Variants in EYA1 observed in about 807,000 individuals in gnomAD.
EYA1 encodes EYA transcriptional coactivator and phosphatase 1.
EYA1 carries 16 observed loss-of-function variants against 82.0 expected under a neutral mutation model. The ratio of observed to expected loss-of-function variants is 0.20; its 90% CI spans 0.13 to 0.30. The LOEUF (loss-of-function observed/expected upper bound fraction) is 0.30. EYA1 is among the 10% of genes least tolerant of loss of function. The probability of loss-of-function intolerance (pLI) is 1.00; values close to 1 mark genes in which losing one functional copy is unlikely to be tolerated. For missense variants in EYA1, 633 were observed against 730.7 expected (o/e 0.87, Z 1.54); for synonymous variants, 261 against 264.4 (o/e 0.99, Z 0.12).
chr8:71,306,859 C>A (rs1820791168), intron 7 of EYA1, among the ~76,000 whole-genome samples: 1 of 152,192 alleles, frequency 6.6e-6, no homozygotes, highest in African/African-American at 2.4e-5. Context: ...GTCTTGTTTT[C>A]ATTCTGACCT....
rs546925332 is a variant in EYA1 at position 71,398,962 on chromosome 8, C to T, written c.34-42451G>A. On this transcript the variant is annotated intron_variant, in intron 2 of 18. Coordinates refer to the EYA1 transcript ENST00000643681. ...CTCCACCCAGTTCGAGCTTCCTGGC[C>T]GCTTTGTTTACCTACTCAAGCCACA... 2.2e-4 allele frequency among the ~76,000 whole-genome samples: 33 copies of T among 152,314 alleles called. No homozygotes were observed. The South Asian group carries it at 2.5e-3, about 11-fold the overall frequency.
At chr8:71,387,059 C>T (rs541226218) in intron 2 of EYA1, among the ~76,000 whole-genome samples, 1 of 152,256 alleles carries the variant, frequency 6.6e-6, no homozygotes, top group South Asian at 2.1e-4. Flanking sequence ...TGAGACATGT[C>T]CCCTACCCCT....
At chr8:71,476,703 T>G (rs1235474464) in intron 2 of EYA1, among the ~76,000 whole-genome samples, 3 of 152,112 alleles carry the variant, frequency 2.0e-5, no homozygotes, top group African/African-American at 7.2e-5. Flanking sequence ...AACATTTTTT[T>G]CTATAGAAAT....
chr8:71,487,183 T>C (rs1204813569), intron 2 of EYA1, among the ~76,000 whole-genome samples: 1 of 152,018 alleles, frequency 6.6e-6, no homozygotes, highest in Non-Finnish European at 1.5e-5. Context: ...AAGTGGGTAC[T>C]AACCCAGAAA....
Position 71,395,053 on chromosome 8 carries a change from T to A in EYA1, c.34-38542A>T, listed in dbSNP as rs560477086. Among the ~76,000 whole-genome samples the A allele has an allele frequency of 3.3e-3, 497 of 152,236 alleles. 9 individuals are homozygous for A. Among genetic ancestry groups the A allele is most frequent in the African/African-American group, 0.011 (475 of 41,556 alleles). ...CTAGGTATTTTATTCTCTTTGAAGC[T>A]ATTGTGAAATGGAGTTCACCCATGA... On this transcript the variant is annotated intron_variant, in intron 2 of 18. Coordinates refer to the EYA1 transcript ENST00000643681.
At chr8:71,526,043 T>G (rs569419386) in intron 2 of EYA1, among the ~76,000 whole-genome samples, 1 of 152,244 alleles carries the variant, frequency 6.6e-6, no homozygotes, top group South Asian at 2.1e-4. Flanking sequence ...CAATATAAGC[T>G]AGAATAAAAT....
rs1808917913 is a variant in EYA1, at chr8:71,468,229, G to C, written c.33+67515C>G. 7.9e-5 allele frequency among the ~76,000 whole-genome samples: 12 copies of C among 152,244 alleles called. No individual in the cohort carries two copies. The South Asian group carries it at 2.5e-3, about 32-fold the overall frequency. The stretch of plus-strand genomic sequence containing the variant: ...GCCCAAGTTCATCCCATTAGGCAAA[G>C]AATAACCCCATCAATAGCAGAGATG... On this transcript the variant is annotated intron_variant, in intron 2 of 18. Coordinates refer to the EYA1 transcript ENST00000643681.
chr8:71,268,971 T>A (rs1816193748), intron 11 of EYA1, among the ~76,000 whole-genome samples: 1 of 152,214 alleles, frequency 6.6e-6, no homozygotes, highest in Admixed American at 6.5e-5. Context: ...GACTTATTAT[T>A]TCTTTACAGA....
chr8:71,472,707 G>A (rs1185926122), intron 2 of EYA1, among the ~76,000 whole-genome samples: 1 of 149,750 alleles, frequency 6.7e-6, no homozygotes, highest in Non-Finnish European at 1.5e-5. Flanking sequence ...TACAACTCAG[G>A]CTGCCTGACC....
At chr8:71,522,619 C>CTT (rs35579621) in intron 2 of EYA1, among the ~76,000 whole-genome samples, 2,102 of 135,520 alleles carry the variant, frequency 0.016, 41 homozygotes, top group South Asian at 0.047. Flanking sequence ...TCAATACAAA[C>CTT]TTTTTTTTTT....
intron 1 of EYA1, among the ~76,000 whole-genome samples, chr8:71,359,672 G>A (rs759248054): frequency 6.6e-6 from 1 of 152,052 alleles, no homozygotes; most frequent in Non-Finnish European, 1.5e-5. Context: ...TCTAAATTAC[G>A]GGTTTTCCAT....
chr8:71,326,404 A>G (rs192706824), intron 4 of EYA1, among the ~76,000 whole-genome samples: 1 of 151,610 alleles, frequency 6.6e-6, no homozygotes. Context: ...AAACCTTACA[A>G]CTTCTCACTT....
intron 9 of EYA1, among the ~76,000 whole-genome samples, chr8:71,280,949 G>C (rs1817749087): frequency 6.6e-6 from 1 of 152,094 alleles, no homozygotes; most frequent in African/African-American, 2.4e-5. Flanking sequence ...ATACAGATGT[G>C]GTTCCGCCAC....
In EYA1 at chr8:71,504,760, C is replaced by T. The variant is rs117761469; in HGVS notation, c.33+30984G>A. On this transcript the variant is annotated intron_variant, in intron 2 of 18. Transcript: ENST00000643681. ...ATCCTGTAATTCTACTTCCACACTT[C>T]TACCTTCTTGAGATAATGACTGCTT... Among the ~76,000 whole-genome samples the T allele has an allele frequency of 7.8e-4, 118 of 152,230 alleles. No homozygotes were observed. In the East Asian group the frequency reaches 0.02, roughly 26 times the overall value.
intron 2 of EYA1, among the ~76,000 whole-genome samples, chr8:71,490,985 T>C (rs890382829): frequency 1.3e-5 from 2 of 152,144 alleles, no homozygotes; most frequent in Non-Finnish European, 2.9e-5. Context: ...AGTCACTCTA[T>C]TGACGCTCAA....
intron 1 of EYA1, among the ~76,000 whole-genome samples, chr8:71,539,632 G>A (rs919121953): frequency 6.6e-6 from 1 of 152,202 alleles, no homozygotes; most frequent in Non-Finnish European, 1.5e-5. Flanking sequence ...GGAAAGTGGT[G>A]GAGGAGAACT....
rs1038079970 is a variant in EYA1 at position 71,426,611 on chromosome 8, G to C, written c.34-70100C>G. Among the ~76,000 whole-genome samples the C allele has an allele frequency of 2.6e-5, 4 of 152,314 alleles. No homozygotes were observed. In the East Asian group the frequency reaches 5.8e-4, roughly 22 times the overall value. ...GAGAGGGAATAGCTGATGTCTTCAT[G>C]GGGTTTCTGGCCCTTTTTAGACCCT... On this transcript the variant is annotated intron_variant, in intron 2 of 18. Coordinates refer to the EYA1 transcript ENST00000643681.
intron 9 of EYA1, among the ~76,000 whole-genome samples, chr8:71,295,848 G>A (rs906648821): frequency 5.9e-5 from 9 of 152,142 alleles, no homozygotes; most frequent in African/African-American, 2.2e-4. Context: ...AGGGGTGATT[G>A]GCATGGCTAG....
chr8:71,350,638 T>G (rs1563514955), intron 3 of EYA1, among the ~76,000 whole-genome samples: 1 of 152,178 alleles, frequency 6.6e-6, no homozygotes, highest in African/African-American at 2.4e-5. Flanking sequence ...TCTATCAGTT[T>G]CAAGACAAGT....
Sources: gnomAD v4.1 joint callset for allele counts (sites outside exome capture counted in the v4.1 genomes callset) on GRCh38, gnomAD v4.1.1 for gene constraint, MANE v1.5 for transcripts, NCBI Gene and HGNC (gene_info 2026-07-23, HGNC 2026-07-21) for gene names.